The following TSC22D1 variants were observed in gnomAD, a reference collection of about 807,000 sequenced individuals.
The protein encoded by TSC22D1 is TSC22 domain family protein 1.
TSC22D1 carries 9 observed loss-of-function variants against 74.2 expected under a neutral mutation model. That is an observed-to-expected ratio of 0.12 (90% CI 0.07 to 0.21). TSC22D1 has a LOEUF of 0.21. Among genes scored for constraint, TSC22D1 ranks in the 10% least tolerant of loss-of-function variants. The probability of loss-of-function intolerance (pLI) is 1.00; values close to 1 mark genes in which losing one functional copy is unlikely to be tolerated. For synonymous variants in TSC22D1, 586 were observed against 492.5 expected (o/e 1.19, Z -2.51); for missense variants, 1,427 against 1,304.7 (o/e 1.09, Z -1.44).
chr13:44,527,571 A>G (rs2138056546), intron 1 of TSC22D1, among the ~76,000 whole-genome samples: 1 of 152,330 alleles, frequency 6.6e-6, no homozygotes, highest in African/African-American at 2.4e-5. Context: ...ATTATTTAAA[A>G]TGTTCAACTA....
intron 2 of TSC22D1, chr13:44,435,090 G>A: frequency 1.9e-6 from 1 of 535,458 alleles, no homozygotes. Flanking sequence ...CTTTGTAAAA[G>A]TCTGTGCTTC....
intron 2 of TSC22D1, 166 bp downstream of exon 2, chr13:44,435,878 C>T (rs1874563218): frequency 6.9e-6 from 5 of 725,866 alleles, no homozygotes; most frequent in Non-Finnish European, 9.7e-6. Context: ...CCACGGCTGC[C>T]GTGGTAGGTG....
chr13:44,505,379 C>A (rs1014409899), intron 1 of TSC22D1, among the ~76,000 whole-genome samples: 4 of 152,052 alleles, frequency 2.6e-5, no homozygotes, highest in African/African-American at 9.7e-5. Context: ...TATGGCAAGA[C>A]CCTGTATCTA....
chr13:44,437,340 G>C (rs1428391881), intron 1 of TSC22D1: 1 of 808,512 alleles, frequency 1.2e-6, no homozygotes, highest in Non-Finnish European at 1.5e-6. Context: ...CTTACCGGCA[G>C]CGGTACTGGG....
At chr13:44,463,994 G>A (rs56773929) in intron 1 of TSC22D1, among the ~76,000 whole-genome samples, 15,064 of 152,166 alleles carry the variant, frequency 0.099, 769 homozygotes, top group Non-Finnish European at 0.11. Flanking sequence ...TCTTAGGATG[G>A]ATCTTCCGGC....
chr13:44,541,535 A>G (rs1010046546), intron 1 of TSC22D1, among the ~76,000 whole-genome samples: 10 of 152,322 alleles, frequency 6.6e-5, no homozygotes, highest in African/African-American at 2.4e-4. Flanking sequence ...TTATGCACCT[A>G]AAGTGGCAGC....
intron 1 of TSC22D1, among the ~76,000 whole-genome samples, chr13:44,517,728 T>C (rs1237548823): frequency 4.4e-5 from 6 of 135,808 alleles, no homozygotes; most frequent in South Asian, 4.7e-4. Flanking sequence ...CTTAATACTA[T>C]ATATATATAC....
chr13:44,576,829 C>T (rs1031368273), upstream of TSC22D1, among the ~76,000 whole-genome samples: 6 of 151,522 alleles, frequency 4.0e-5, no homozygotes, highest in South Asian at 2.1e-4. Flanking sequence ...GGAGCACGGC[C>T]GGGGCGCGGC....
rs541782956 is a variant in TSC22D1 at position 44,574,554 on chromosome 13, CTGT to C, written c.1518_1520del (p.Gln509del). The C allele has an allele frequency of 3.1e-3, 4,934 of 1,613,870 alleles. 84 individuals carry two copies. The African/African-American group carries it at 0.053, about 17-fold the overall frequency. ...TCACACCTTGGAGAGCTGGTTGTTGCTGTTGTTGTTGTTGTTGCTGCTGCTGCT... is the reference window on the plus strand; with the variant it reads ...TCACACCTTGGAGAGCTGGTTGTTGCTGTTGTTGTTGTTGCTGCTGCTGCT... On this transcript the variant is annotated inframe_deletion, in exon 1 of 3. Coordinates refer to ENST00000458659, the MANE Select transcript of TSC22D1 (RefSeq NM_183422.4).
chr13:44,536,893 A>C, intron 1 of TSC22D1: 13 of 962,828 alleles, frequency 1.4e-5, no homozygotes, highest in Non-Finnish European at 1.6e-5. Flanking sequence ...CCCCACGAAG[A>C]ATCACCTTAA....
chr13:44,571,149 C>G (rs1883734825), intron 1 of TSC22D1, among the ~76,000 whole-genome samples: 1 of 152,136 alleles, frequency 6.6e-6, no homozygotes. Flanking sequence ...AACTCCTGGT[C>G]TTGTGGGAGA....
In TSC22D1 at chr13:44,575,871, G is replaced by C. The variant is rs781611396; in HGVS notation, c.204C>G (p.Pro68=). 6.2e-7 allele frequency: 1 copy of C among 1,614,086 alleles called. No individual in the cohort carries two copies. Among genetic ancestry groups the C allele is most frequent in the Admixed American group, 1.7e-5 (1 of 60,018 alleles). Residue 68 remains proline, a synonymous_variant, in exon 1 of 3, where the codon CCC becomes CCG. Transcript: ENST00000458659. ...FPPPSLLQPP[P]PAASSTSGPQ... ...GTCCCGACGTAGAAGATGCTGCAGG[G>C]GGCGGCGGCTGAAGCAGCGACGGAG... is the stretch of plus-strand genomic sequence containing the variant.
intron 1 of TSC22D1, among the ~76,000 whole-genome samples, chr13:44,488,214 C>T (rs1878534345): frequency 6.6e-6 from 1 of 152,154 alleles, no homozygotes; most frequent in African/African-American, 2.4e-5. Context: ...TGAAGTCCTG[C>T]ATTGTCTAAT....
At chr13:44,573,060 C>G in intron 1 of TSC22D1, 103 bp downstream of exon 1, 1 of 1,450,446 alleles carries the variant, frequency 6.9e-7, no homozygotes, top group African/African-American at 1.4e-5. Context: ...ACATACAAAA[C>G]ACAATATACA....
chr13:44,501,644 C>G (rs989154149), intron 1 of TSC22D1, among the ~76,000 whole-genome samples: 7 of 152,120 alleles, frequency 4.6e-5, no homozygotes, highest in Non-Finnish European at 1.0e-4. Flanking sequence ...GCAGAATAAA[C>G]TGCCAGGAAG....
At chr13:44,563,411 C>T (rs1366740174) in intron 1 of TSC22D1, among the ~76,000 whole-genome samples, 1 of 152,170 alleles carries the variant, frequency 6.6e-6, no homozygotes. Flanking sequence ...TATAGAAATG[C>T]ATAACATCCA....
At chr13:44,506,543 T>C (rs1182670898) in intron 1 of TSC22D1, among the ~76,000 whole-genome samples, 1 of 152,170 alleles carries the variant, frequency 6.6e-6, no homozygotes, top group African/African-American at 2.4e-5. Flanking sequence ...CTAATACCTA[T>C]GGTTGATCTG....
upstream of TSC22D1, chr13:44,576,982 G>A (rs111467657): frequency 6.6e-6 from 1 of 152,610 alleles, no homozygotes; most frequent in Non-Finnish European, 1.5e-5. Flanking sequence ...CTCTCCGGAG[G>A]GCGGCGGGAC....
At chr13:44,550,092 G>A (rs1180652649) in intron 1 of TSC22D1, among the ~76,000 whole-genome samples, 1 of 152,080 alleles carries the variant, frequency 6.6e-6, no homozygotes, top group Non-Finnish European at 1.5e-5. Flanking sequence ...AAATGAAAAG[G>A]TATTAAGAAA....
Sources: allele counts gnomAD v4.1 joint callset (sites outside exome capture counted in the v4.1 genomes callset), GRCh38; gene constraint gnomAD v4.1.1; transcripts MANE v1.5; gene names NCBI Gene and HGNC (gene_info 2026-07-23, HGNC 2026-07-21).